Variants in AGBL4 observed in about 807,000 individuals in gnomAD.
AGBL4 encodes cytosolic carboxypeptidase 6.
Under a neutral mutation model 66.4 loss-of-function variants are expected in AGBL4, and 58 were observed. The ratio of observed to expected loss-of-function variants is 0.87; its 90% CI spans 0.71 to 1.09. The LOEUF (loss-of-function observed/expected upper bound fraction) is 1.09, where lower values mean the gene tolerates loss of function less well. AGBL4 is among the 50% of genes least tolerant of loss of function. AGBL4 has a pLI of 0.00. For synonymous variants in AGBL4, 234 were observed against 222.9 expected, an observed-to-expected ratio of 1.05 and a Z score of -0.44; for missense variants, 579 against 631.0, an observed-to-expected ratio of 0.92 and a Z score of 0.88.
chr1:50,013,541 C>T (rs1003018048), intron 1 of AGBL4, among the ~76,000 whole-genome samples: 1 of 152,172 alleles, frequency 6.6e-6, no homozygotes. Flanking sequence ...AAAACATTTA[C>T]AATTGTTAGT....
intron 4 of AGBL4, among the ~76,000 whole-genome samples, chr1:49,199,782 G>A (rs1311916839): frequency 1.3e-5 from 2 of 152,094 alleles, no homozygotes; most frequent in African/African-American, 2.4e-5. Context: ...AACTCTCTCT[G>A]ATCCAGATAC....
chr1:48,929,493 C>A (rs1385710982), intron 5 of AGBL4, among the ~76,000 whole-genome samples: 1 of 152,102 alleles, frequency 6.6e-6, no homozygotes, highest in Non-Finnish European at 1.5e-5. Context: ...AGGAGTGTAA[C>A]CTTTGAATCT....
intron 5 of AGBL4, among the ~76,000 whole-genome samples, chr1:48,956,759 G>T (rs768818829): frequency 6.6e-6 from 1 of 152,134 alleles, no homozygotes; most frequent in Admixed American, 6.5e-5. Context: ...AGAACTTGCT[G>T]ACTAGAATAG....
chr1:49,650,220 G>A (rs1231381017), intron 3 of AGBL4, among the ~76,000 whole-genome samples: 1 of 152,162 alleles, frequency 6.6e-6, no homozygotes, highest in Non-Finnish European at 1.5e-5. Flanking sequence ...GTGGAAAGCT[G>A]AAGGAAGTGA....
At chr1:49,482,959 C>T (rs972309523) in intron 3 of AGBL4, among the ~76,000 whole-genome samples, 4 of 152,082 alleles carry the variant, frequency 2.6e-5, no homozygotes, top group Admixed American at 6.5e-5. Flanking sequence ...CTTGACTTCT[C>T]ATTTGATTGT....
intron 6 of AGBL4, among the ~76,000 whole-genome samples, chr1:48,840,257 T>C (rs1194952105): frequency 6.6e-6 from 1 of 152,140 alleles, no homozygotes; most frequent in Non-Finnish European, 1.5e-5. Flanking sequence ...AATACCTCTG[T>C]GTATAAGACT....
intron 6 of AGBL4, among the ~76,000 whole-genome samples, chr1:48,745,473 C>T (rs1391602314): frequency 6.6e-6 from 1 of 152,124 alleles, no homozygotes; most frequent in Admixed American, 6.5e-5. Context: ...AAAGAGTCAC[C>T]TCTCTGGCTC....
intron 11 of AGBL4, among the ~76,000 whole-genome samples, chr1:48,564,202 T>G (rs1471701628): frequency 6.6e-6 from 1 of 152,118 alleles, no homozygotes; most frequent in Non-Finnish European, 1.5e-5. Context: ...GGTCTCTTCT[T>G]GTTGCTATCC....
intron 9 of AGBL4, among the ~76,000 whole-genome samples, chr1:48,616,268 T>C (rs1269058823): frequency 2.0e-5 from 3 of 152,112 alleles, no homozygotes; most frequent in Non-Finnish European, 2.9e-5. Context: ...TGCATTAAAA[T>C]TTGAGACGCA....
At chr1:49,635,925 C>A (rs1370215510) in intron 3 of AGBL4, among the ~76,000 whole-genome samples, 1 of 152,078 alleles carries the variant, frequency 6.6e-6, no homozygotes, top group African/African-American at 2.4e-5. Flanking sequence ...ATGTTAATTG[C>A]AGCACTATTT....
At chr1:49,682,051 C>A (rs935129878) in intron 3 of AGBL4, among the ~76,000 whole-genome samples, 2 of 152,082 alleles carry the variant, frequency 1.3e-5, no homozygotes, top group Non-Finnish European at 2.9e-5. Context: ...AAAAATAAAT[C>A]TGGAATTAAG....
At chr1:48,562,317 G>A (rs949605840) in intron 11 of AGBL4, among the ~76,000 whole-genome samples, 3 of 152,160 alleles carry the variant, frequency 2.0e-5, no homozygotes, top group African/African-American at 7.2e-5. Flanking sequence ...AGATAATTAG[G>A]ATTCTTATTT....
chr1:49,740,597 A>T (rs1650359676), intron 2 of AGBL4, among the ~76,000 whole-genome samples: 1 of 152,210 alleles, frequency 6.6e-6, no homozygotes, highest in Non-Finnish European at 1.5e-5. Context: ...CAGAATATAC[A>T]TTCTTTTCAG....
intron 6 of AGBL4, among the ~76,000 whole-genome samples, chr1:48,816,862 G>A: frequency 6.6e-6 from 1 of 152,174 alleles, no homozygotes; most frequent in East Asian, 1.9e-4. Flanking sequence ...ATAGAGGTTT[G>A]TGCAAACCAC....
At chr1:49,879,922 T>C (rs1243209396) in intron 1 of AGBL4, among the ~76,000 whole-genome samples, 15 of 139,918 alleles carry the variant, frequency 1.1e-4, no homozygotes, top group African/African-American at 4.1e-4. Flanking sequence ...CATCTTCCAT[T>C]GCTGATACCC....
chr1:49,974,691 T>C (rs543591974), intron 1 of AGBL4, among the ~76,000 whole-genome samples: 1 of 152,314 alleles, frequency 6.6e-6, no homozygotes, highest in East Asian at 1.9e-4. Context: ...CCTAATAGGA[T>C]ATCTCCAAAG....
chr1:48,576,668 G>C (rs1644658708), intron 11 of AGBL4, among the ~76,000 whole-genome samples: 2 of 152,140 alleles, frequency 1.3e-5, no homozygotes, highest in Non-Finnish European at 2.9e-5. Context: ...CTCAGGACCT[G>C]TGCACCATTT....
intron 1 of AGBL4, among the ~76,000 whole-genome samples, chr1:49,909,263 T>C (rs562786088): frequency 6.6e-6 from 1 of 152,108 alleles, no homozygotes; most frequent in Non-Finnish European, 1.5e-5. Flanking sequence ...TATACATTCA[T>C]ACACACACAC....
chr1:49,600,649 C>T (rs965377245), intron 3 of AGBL4, among the ~76,000 whole-genome samples: 1 of 152,026 alleles, frequency 6.6e-6, no homozygotes, highest in Non-Finnish European at 1.5e-5. Context: ...TGATCCTGTC[C>T]TTATGATGCT....
Sources: gnomAD v4.1 joint callset for allele counts (sites outside exome capture counted in the v4.1 genomes callset) on GRCh38, gnomAD v4.1.1 for gene constraint, MANE v1.5 for transcripts, NCBI Gene and HGNC (gene_info 2026-07-23, HGNC 2026-07-21) for gene names.